The following RANBP2 variants were observed in gnomAD, a reference collection of about 807,000 sequenced individuals.
RANBP2 encodes E3 SUMO-protein ligase RanBP2.
A neutral mutation model predicts 303.6 loss-of-function variants in RANBP2; 57 were observed. The observed-to-expected ratio is 0.19, with a 90% confidence interval of 0.15 to 0.23. The LOEUF (loss-of-function observed/expected upper bound fraction) is 0.23, where lower values mean the gene tolerates loss of function less well. RANBP2 is among the 10% of genes least tolerant of loss of function. RANBP2 has a pLI of 1.00. For synonymous variants in RANBP2, 1,167 were observed against 1,301.5 expected (o/e 0.90, Z 2.23); for missense variants, 3,138 against 3,780.8 (o/e 0.83, Z 4.46).
the RANBP2 span, among the ~76,000 whole-genome samples, chr2:108,974,329 CAAAAAA>C: frequency 6.7e-4 from 41 of 61,530 alleles, no homozygotes; most frequent in African/African-American, 2.4e-3. Context: ...GGATCCGTCT[CAAAAAA>C]AAAAAAAAAA....
At chr2:109,590,836 T>A in the RANBP2 span, among the ~76,000 whole-genome samples, 1 of 152,040 alleles carries the variant, frequency 6.6e-6, no homozygotes, top group East Asian at 1.9e-4. Context: ...AATGGAGTGG[T>A]CTCTAGGAGC....
the RANBP2 span, among the ~76,000 whole-genome samples, chr2:109,053,236 C>T: frequency 6.6e-6 from 1 of 152,248 alleles, no homozygotes; most frequent in Admixed American, 6.5e-5. Flanking sequence ...TCAGACTCCC[C>T]TGCCCAAGAG....
the RANBP2 span, among the ~76,000 whole-genome samples, chr2:109,585,551 A>G: frequency 6.6e-6 from 1 of 152,240 alleles, no homozygotes; most frequent in Non-Finnish European, 1.5e-5. Context: ...TAACAAGCCA[A>G]AAGCTTAAAG....
the RANBP2 span, among the ~76,000 whole-genome samples, chr2:109,633,059 AT>A: frequency 4.0e-5 from 6 of 151,758 alleles, no homozygotes; most frequent in Non-Finnish European, 8.8e-5. Flanking sequence ...ATCCACTGGA[AT>A]TTTTTTTTAA....
the RANBP2 span, among the ~76,000 whole-genome samples, chr2:108,812,042 AT>A: frequency 5.9e-5 from 9 of 152,304 alleles, no homozygotes; most frequent in Admixed American, 2.6e-4. Context: ...TAATAAAAAA[AT>A]AATTGGATAC....
chr2:109,373,070 A>G, the RANBP2 span, among the ~76,000 whole-genome samples: 1 of 152,140 alleles, frequency 6.6e-6, no homozygotes, highest in Admixed American at 6.5e-5. Flanking sequence ...ATTTAGTTTG[A>G]ATGTGCTGCC....
At chr2:108,977,461 G>T in the RANBP2 span, among the ~76,000 whole-genome samples, 12 of 152,238 alleles carry the variant, frequency 7.9e-5, no homozygotes, top group African/African-American at 2.9e-4. Context: ...TAGTAGAGAC[G>T]CGGTTTCACT....
chr2:109,479,275 C>T, the RANBP2 span, among the ~76,000 whole-genome samples: 2 of 152,104 alleles, frequency 1.3e-5, no homozygotes, highest in African/African-American at 2.4e-5. Context: ...GGTGGGGACA[C>T]GGTCCTGTGA....
At chr2:109,148,552 G>A in the RANBP2 span, among the ~76,000 whole-genome samples, 1 of 152,210 alleles carries the variant, frequency 6.6e-6, no homozygotes, top group East Asian at 1.9e-4. Flanking sequence ...CTGCTGACTG[G>A]TGCCATTTTG....
At chr2:108,845,657 C>T in the RANBP2 span, among the ~76,000 whole-genome samples, 3 of 151,242 alleles carry the variant, frequency 2.0e-5, no homozygotes, top group African/African-American at 2.4e-5. Flanking sequence ...CTGCAAGCTC[C>T]GCCTCCCGTG....
At chr2:108,887,889 G>C in the RANBP2 span, among the ~76,000 whole-genome samples, 1 of 152,102 alleles carries the variant, frequency 6.6e-6, no homozygotes, top group African/African-American at 2.4e-5. Flanking sequence ...CTCTAGCTAG[G>C]ATTTCCAGTA....
At chr2:108,991,724 T>C in the RANBP2 span, among the ~76,000 whole-genome samples, 5 of 152,164 alleles carry the variant, frequency 3.3e-5, no homozygotes, top group African/African-American at 1.2e-4. Context: ...CACTCAGGGG[T>C]TGGTAAGAAT....
At chr2:109,036,316 A>C in the RANBP2 span, among the ~76,000 whole-genome samples, 1 of 152,366 alleles carries the variant, frequency 6.6e-6, no homozygotes, top group Admixed American at 6.5e-5. Context: ...AGTAAAAGAA[A>C]GAACGTTTCC....
At chr2:109,373,453 A>G in the RANBP2 span, among the ~76,000 whole-genome samples, 1 of 152,254 alleles carries the variant, frequency 6.6e-6, no homozygotes, top group African/African-American at 2.4e-5. Flanking sequence ...GTATATCCAT[A>G]CAATGGAACG....
chr2:109,524,470 AAC>A, the RANBP2 span, among the ~76,000 whole-genome samples: 79 of 16,326 alleles, frequency 4.8e-3, 3 homozygotes, highest in African/African-American at 9.2e-3. Flanking sequence ...AAAAAAACAA[AAC>A]AACACTGGGC....
chr2:108,991,493 G>T, the RANBP2 span, among the ~76,000 whole-genome samples: 1 of 152,304 alleles, frequency 6.6e-6, no homozygotes, highest in South Asian at 2.1e-4. Flanking sequence ...TAGAAATGAT[G>T]AATGTAATTT....
chr2:109,318,584 G>T, the RANBP2 span, among the ~76,000 whole-genome samples: 1 of 152,228 alleles, frequency 6.6e-6, no homozygotes, highest in East Asian at 1.9e-4. Flanking sequence ...CATGTGAGTA[G>T]AGCCAGCTCC....
the RANBP2 span, among the ~76,000 whole-genome samples, chr2:109,414,941 G>T: frequency 2.6e-5 from 4 of 152,228 alleles, no homozygotes; most frequent in Non-Finnish European, 5.9e-5. Context: ...TGGCAAACGG[G>T]AAAAGACCCT....
the RANBP2 span, among the ~76,000 whole-genome samples, chr2:109,655,063 C>T: frequency 5.3e-5 from 8 of 151,894 alleles, no homozygotes; most frequent in South Asian, 4.2e-4. Context: ...CCACCATGCC[C>T]GGCTAATTTT....
Sources: gnomAD v4.1 joint callset for allele counts (sites outside exome capture counted in the v4.1 genomes callset) on GRCh38, gnomAD v4.1.1 for gene constraint, MANE v1.5 for transcripts, NCBI Gene and HGNC (gene_info 2026-07-23, HGNC 2026-07-21) for gene names.